NEGR1: variants seen among roughly 807,000 people sequenced by gnomAD.
NEGR1 encodes IgLON family member 4.
A neutral mutation model predicts 40.9 loss-of-function variants in NEGR1; 10 were observed. The observed-to-expected ratio is 0.24, with a 90% CI of 0.15 to 0.42. The LOEUF (loss-of-function observed/expected upper bound fraction) is 0.42. Among genes scored for constraint, NEGR1 ranks in the 10% least tolerant of loss-of-function variants. The probability of loss-of-function intolerance (pLI) is 1.00; values close to 1 mark genes in which losing one functional copy is unlikely to be tolerated. For missense variants in NEGR1, 352 were observed against 438.9 expected, an observed-to-expected ratio of 0.80 and a Z score of 1.77; for synonymous variants, 185 against 166.8, an observed-to-expected ratio of 1.11 and a Z score of -0.84.
chr1:71,637,479 A>G (rs1312780075), intron 4 of NEGR1, among the ~76,000 whole-genome samples: 1 of 151,956 alleles, frequency 6.6e-6, no homozygotes, highest in African/African-American at 2.4e-5. Context: ...TTTTATGTAT[A>G]TAATTTGGTA....
chr1:71,658,415 T>A (rs895653763), intron 4 of NEGR1, among the ~76,000 whole-genome samples: 4 of 152,056 alleles, frequency 2.6e-5, no homozygotes, highest in Non-Finnish European at 4.4e-5. Context: ...ATTTTTTTTT[T>A]AACTGGTCCA....
At chr1:71,550,392 A>G (rs1307965505) in intron 6 of NEGR1, among the ~76,000 whole-genome samples, 1 of 151,600 alleles carries the variant, frequency 6.6e-6, no homozygotes, top group Admixed American at 6.6e-5. Flanking sequence ...TGGAAGCAGC[A>G]TTCCTTTAAA....
At chr1:72,263,155 T>C (rs575732975) in intron 1 of NEGR1, among the ~76,000 whole-genome samples, 1 of 151,658 alleles carries the variant, frequency 6.6e-6, no homozygotes, top group African/African-American at 2.4e-5. Context: ...ACTTAAATAT[T>C]ATTAAAAATA....
At chr1:71,560,413 C>A (rs1914506) in intron 6 of NEGR1, among the ~76,000 whole-genome samples, 29,558 of 117,580 alleles carry the variant, frequency 0.25, 4,631 homozygotes, top group East Asian at 0.49. Context: ...TAACCCAGGC[C>A]CTGTGTAATT....
rs796812496 is a variant in NEGR1 at position 71,894,933 on chromosome 1, T to TA, written c.409+40145_409+40146insT. On this transcript the variant is annotated intron_variant, in intron 2 of 6. Coordinates refer to ENST00000357731, the MANE Select transcript of NEGR1 (RefSeq NM_173808.3). Reference sequence around the variant, plus strand: ...GACTCCATCTCCAAATTTTTTTTTTTTTAAAAGGAAGGAAAAGAAAGAATC... The same window carrying TA: ...GACTCCATCTCCAAATTTTTTTTTTTATTAAAAGGAAGGAAAAGAAAGAATC... 8.5e-5 allele frequency among the ~76,000 whole-genome samples: 13 copies of TA among 152,162 alleles called. No homozygotes were observed. The South Asian group carries it at 2.7e-3, about 32-fold the overall frequency.
chr1:71,901,081 A>G (rs1661131444), intron 2 of NEGR1, among the ~76,000 whole-genome samples: 1 of 152,226 alleles, frequency 6.6e-6, no homozygotes, highest in Non-Finnish European at 1.5e-5. Flanking sequence ...TCATCTAATG[A>G]TGACATTAAT....
At chr1:72,102,300 T>G (rs1648977129) in intron 1 of NEGR1, among the ~76,000 whole-genome samples, 1 of 152,058 alleles carries the variant, frequency 6.6e-6, no homozygotes, top group Non-Finnish European at 1.5e-5. Flanking sequence ...AATTATACTT[T>G]AAAAATTTCA....
At chr1:72,257,276 C>T (rs1037212444) in intron 1 of NEGR1, among the ~76,000 whole-genome samples, 2 of 145,766 alleles carry the variant, frequency 1.4e-5, no homozygotes, top group South Asian at 2.2e-4. Context: ...GAGCCGAGAT[C>T]CCGCCACTGC....
At chr1:72,039,134 A>G (rs1262450278) in intron 1 of NEGR1, among the ~76,000 whole-genome samples, 1 of 151,986 alleles carries the variant, frequency 6.6e-6, no homozygotes, top group Non-Finnish European at 1.5e-5. Flanking sequence ...AGATTGTGAA[A>G]AGTTCAGAGA....
chr1:71,611,005 T>C (rs1189903091), intron 5 of NEGR1, 21 bp downstream of exon 5: 1 of 1,612,464 alleles, frequency 6.2e-7, no homozygotes, highest in Admixed American at 1.7e-5. Context: ...TAGAACACAG[T>C]AATAATCACA....
At chr1:71,885,747 A>G (rs1660705809) in intron 2 of NEGR1, among the ~76,000 whole-genome samples, 1 of 152,182 alleles carries the variant, frequency 6.6e-6, no homozygotes, top group Admixed American at 6.6e-5. Context: ...GATTATACAC[A>G]TCAGCATTAT....
At chr1:72,277,142 T>C (rs1055648805) in intron 1 of NEGR1, among the ~76,000 whole-genome samples, 3 of 152,098 alleles carry the variant, frequency 2.0e-5, no homozygotes, top group Non-Finnish European at 4.4e-5. Context: ...AAGACTACTT[T>C]CCATTGGCTA....
At chr1:71,766,508 C>A (rs1203024985) in intron 3 of NEGR1, among the ~76,000 whole-genome samples, 4 of 152,150 alleles carry the variant, frequency 2.6e-5, no homozygotes, top group Admixed American at 1.3e-4. Context: ...GCCAGTAACA[C>A]CTTTATCAAT....
chr1:71,600,526 C>A (rs1353791122), intron 5 of NEGR1, among the ~76,000 whole-genome samples: 1 of 152,034 alleles, frequency 6.6e-6, no homozygotes, highest in East Asian at 1.9e-4. Flanking sequence ...GGCTGCCAGC[C>A]AAAGGCAGCC....
chr1:71,737,165 AT>A (rs1424345955), intron 3 of NEGR1, among the ~76,000 whole-genome samples: 1 of 152,186 alleles, frequency 6.6e-6, no homozygotes, highest in Non-Finnish European at 1.5e-5. Context: ...AATCCTTTTG[AT>A]TTTTCAACTT....
intron 3 of NEGR1, among the ~76,000 whole-genome samples, chr1:71,773,386 A>G (rs965673394): frequency 6.6e-6 from 1 of 152,212 alleles, no homozygotes; most frequent in Non-Finnish European, 1.5e-5. Flanking sequence ...CAACATGTTC[A>G]CAGGTTAACT....
chr1:72,066,692 A>G (rs1647281350), intron 1 of NEGR1, among the ~76,000 whole-genome samples: 1 of 152,146 alleles, frequency 6.6e-6, no homozygotes, highest in Non-Finnish European at 1.5e-5. Context: ...ACAGCCGTCT[A>G]CAAGCTAGGA....
At chr1:71,946,214 G>A (rs1428379163) in intron 1 of NEGR1, among the ~76,000 whole-genome samples, 1 of 152,018 alleles carries the variant, frequency 6.6e-6, no homozygotes, top group Non-Finnish European at 1.5e-5. Context: ...GGCTACAGGT[G>A]CATGCCACCA....
chr1:72,045,354 C>T (rs546163905), intron 1 of NEGR1, among the ~76,000 whole-genome samples: 1 of 151,742 alleles, frequency 6.6e-6, no homozygotes, highest in South Asian at 2.1e-4. Context: ...CTTTTTAGGG[C>T]ATCCAAATAT....
Sources: allele counts gnomAD v4.1 joint callset (sites outside exome capture counted in the v4.1 genomes callset), GRCh38; gene constraint gnomAD v4.1.1; transcripts MANE v1.5; gene names NCBI Gene and HGNC (gene_info 2026-07-23, HGNC 2026-07-21).